Variants in MTREX observed in about 807,000 individuals in gnomAD.
MTREX encodes Mtr4 exosome RNA helicase.
Under a neutral mutation model 135.4 loss-of-function variants are expected in MTREX, and 76 were observed. The observed-to-expected ratio is 0.56, with a 90% CI of 0.47 to 0.68. The LOEUF (loss-of-function observed/expected upper bound fraction) is 0.68. Among genes scored for constraint, MTREX ranks in the 30% least tolerant of loss-of-function variants. The probability of loss-of-function intolerance (pLI) is 0.00; values close to 1 mark genes in which losing one functional copy is unlikely to be tolerated. For synonymous variants in MTREX, 404 were observed against 401.6 expected (o/e 1.01, Z -0.07); for missense variants, 920 against 1,262.1 (o/e 0.73, Z 4.11).
intron 5 of MTREX, among the ~76,000 whole-genome samples, chr5:55,330,307 C>G (rs1273611688): frequency 1.3e-5 from 2 of 152,004 alleles, no homozygotes; most frequent in African/African-American, 4.8e-5. Flanking sequence ...AACTCCTGGG[C>G]TCAAGTGATT....
At chr5:55,380,815 T>C (rs1369001412) in intron 18 of MTREX, among the ~76,000 whole-genome samples, 2 of 152,186 alleles carry the variant, frequency 1.3e-5, no homozygotes, top group Non-Finnish European at 2.9e-5. Context: ...AATGCAGGCC[T>C]CATAGAATGA....
At chr5:55,323,742 G>T (rs553175212) in intron 2 of MTREX, among the ~76,000 whole-genome samples, 1 of 152,234 alleles carries the variant, frequency 6.6e-6, no homozygotes, top group South Asian at 2.1e-4. Context: ...ATAAATAATA[G>T]CAACAAATGA....
At position 55,425,297 on chromosome 5, in the gene MTREX, G is replaced by T. The variant is rs370639768; in HGVS notation, c.*525G>T. 16 of 1,609,486 alleles carry T rather than the reference G, an allele frequency of 9.9e-6. No individual in the cohort carries two copies. The highest frequency in any genetic ancestry group is 1.3e-5 in the Non-Finnish European group (15 of 1,176,350). On this transcript the variant is annotated 3_prime_UTR_variant, in exon 27 of 27. Transcript: ENST00000230640. ...GTCCTCCTCTTTTCTTTCTTTAAAAGAAGTTCTTTCTTTGAAGAAATCCGA... is the reference window on the plus strand; with the variant it reads ...GTCCTCCTCTTTTCTTTCTTTAAAATAAGTTCTTTCTTTGAAGAAATCCGA...
chr5:55,329,242 C>G (rs1319680841), intron 5 of MTREX: 2 of 153,116 alleles, frequency 1.3e-5, no homozygotes, highest in Admixed American at 1.3e-4. Context: ...TCATGGCTCA[C>G]TGCAGCCTTG....
intron 23 of MTREX, among the ~76,000 whole-genome samples, chr5:55,413,396 C>A (rs1309292711): frequency 7.0e-6 from 1 of 143,296 alleles, no homozygotes; most frequent in Non-Finnish European, 1.5e-5. Flanking sequence ...TACATACATA[C>A]ATATCATTCT....
chr5:55,398,037 C>T (rs1055136461), intron 20 of MTREX, among the ~76,000 whole-genome samples: 2 of 152,002 alleles, frequency 1.3e-5, no homozygotes, highest in African/African-American at 4.8e-5. Flanking sequence ...GCCTGGGCAA[C>T]ATAGTGAGAC....
intron 12 of MTREX, among the ~76,000 whole-genome samples, chr5:55,350,569 T>G (rs565926855): frequency 6.6e-6 from 1 of 152,328 alleles, no homozygotes; most frequent in South Asian, 2.1e-4. Context: ...ATTTATTTTT[T>G]GGGGGTTTGA....
chr5:55,422,394 T>C (rs1751068676), intron 25 of MTREX, among the ~76,000 whole-genome samples: 1 of 152,200 alleles, frequency 6.6e-6, no homozygotes, highest in African/African-American at 2.4e-5. Context: ...ATCTTGTTAC[T>C]CTCCTGCTAA....
At chr5:55,366,231 A>G (rs1034856832) in intron 15 of MTREX, among the ~76,000 whole-genome samples, 3 of 152,124 alleles carry the variant, frequency 2.0e-5, no homozygotes, top group African/African-American at 7.2e-5. Flanking sequence ...TAGTCTGCCT[A>G]TAATCCCATC....
chr5:55,394,158 A>T (rs1435283601), intron 19 of MTREX, among the ~76,000 whole-genome samples: 1 of 152,236 alleles, frequency 6.6e-6, no homozygotes, highest in African/African-American at 2.4e-5. Flanking sequence ...ACAGGTATAT[A>T]AAAATACTCT....
chr5:55,369,292 A>G (rs897157863), intron 16 of MTREX, among the ~76,000 whole-genome samples: 3 of 152,322 alleles, frequency 2.0e-5, no homozygotes, highest in African/African-American at 7.2e-5. Context: ...AAGCTAGTTT[A>G]ATACTTAAAA....
intron 25 of MTREX, among the ~76,000 whole-genome samples, chr5:55,417,611 A>C (rs944272293): frequency 4.6e-5 from 7 of 152,226 alleles, no homozygotes; most frequent in African/African-American, 1.7e-4. Flanking sequence ...TAGCCGAGTC[A>C]GTGAGAAGAG....
chr5:55,423,030 A>C, intron 26 of MTREX, 48 bp downstream of exon 26: 2 of 1,485,252 alleles, frequency 1.3e-6, no homozygotes, highest in Non-Finnish European at 1.9e-6. Flanking sequence ...AAATTTGGTG[A>C]AGCAAATCTT....
intron 1 of MTREX, among the ~76,000 whole-genome samples, chr5:55,310,736 CTTTA>C (rs1027014265): frequency 1.3e-5 from 2 of 152,144 alleles, no homozygotes; most frequent in Non-Finnish European, 2.9e-5. Flanking sequence ...GGAACTTGCC[CTTTA>C]TTTAGTATTC....
chr5:55,415,918 A>AAGTGATATG, intron 24 of MTREX, 52 bp from the exon 25 acceptor site: 1 of 1,303,418 alleles, frequency 7.7e-7, no homozygotes, highest in East Asian at 2.5e-5. Flanking sequence ...CTAAAGAATA[A>AAGTGATATG]AGTGATATGG....
chr5:55,383,834 A>G (rs190865898), intron 18 of MTREX, among the ~76,000 whole-genome samples: 24 of 152,248 alleles, frequency 1.6e-4, no homozygotes, highest in African/African-American at 5.3e-4. Context: ...CAGTGGTGCA[A>G]TCATGGCTTA....
At chr5:55,374,475 G>T (rs1469625301) in intron 16 of MTREX, among the ~76,000 whole-genome samples, 1 of 151,640 alleles carries the variant, frequency 6.6e-6, no homozygotes, top group African/African-American at 2.4e-5. Flanking sequence ...TTGTAGAGAT[G>T]GAATCTCACT....
chr5:55,330,801 G>A (rs1199532988), intron 5 of MTREX, among the ~76,000 whole-genome samples: 2 of 151,848 alleles, frequency 1.3e-5, no homozygotes, highest in African/African-American at 4.8e-5. Flanking sequence ...TTTCTTTGAG[G>A]ACTCAAGTTA....
intron 5 of MTREX, among the ~76,000 whole-genome samples, chr5:55,331,383 G>T (rs959993775): frequency 6.6e-6 from 1 of 152,094 alleles, no homozygotes; most frequent in Non-Finnish European, 1.5e-5. Flanking sequence ...TTACTTTTAT[G>T]ACTTTTTTAG....
Sources: gnomAD v4.1 joint callset for allele counts (sites outside exome capture counted in the v4.1 genomes callset) on GRCh38, gnomAD v4.1.1 for gene constraint, MANE v1.5 for transcripts, NCBI Gene and HGNC (gene_info 2026-07-23, HGNC 2026-07-21) for gene names.